Variants in PLD5 observed in about 807,000 individuals in gnomAD.
PLD5 encodes the protein inactive phospholipase D5.
Under a neutral mutation model 61.1 loss-of-function variants are expected in PLD5, and 36 were observed. The ratio of observed to expected loss-of-function variants is 0.59; its 90% confidence interval spans 0.45 to 0.78. The LOEUF (loss-of-function observed/expected upper bound fraction) is 0.78. Ranked by LOEUF, PLD5 falls within the 30% of genes least tolerant of loss-of-function variation. The probability of loss-of-function intolerance (pLI) is 0.00; values close to 1 mark genes in which losing one functional copy is unlikely to be tolerated. For missense variants in PLD5, 515 were observed against 644.4 expected (o/e 0.80, Z 2.17); for synonymous variants, 243 against 242.8 (o/e 1.00, Z -0.01).
intron 1 of PLD5, among the ~76,000 whole-genome samples, chr1:242,487,522 CAA>C (rs1668002527): frequency 6.6e-6 from 1 of 152,024 alleles, no homozygotes; most frequent in Admixed American, 6.6e-5. Flanking sequence ...GCACAATCCA[CAA>C]AAGAAGTAAT....
chr1:242,402,070 C>T (rs1663965520), intron 1 of PLD5, among the ~76,000 whole-genome samples: 1 of 152,242 alleles, frequency 6.6e-6, no homozygotes, highest in Admixed American at 6.5e-5. Context: ...TTAGCACTCT[C>T]CCCTGCTATC....
At chr1:242,201,726 A>G (rs1264614995) in intron 5 of PLD5, among the ~76,000 whole-genome samples, 1 of 152,198 alleles carries the variant, frequency 6.6e-6, no homozygotes, top group Non-Finnish European at 1.5e-5. Flanking sequence ...ATATGTATGC[A>G]ACAAGTTTTG....
intron 3 of PLD5, among the ~76,000 whole-genome samples, chr1:242,286,046 T>G (rs1675003088): frequency 6.6e-6 from 1 of 151,774 alleles, no homozygotes; most frequent in Admixed American, 6.6e-5. Flanking sequence ...GAGGTGGAGG[T>G]TGCAGAGAGC....
At chr1:242,108,401 C>T (rs1488720932) in intron 7 of PLD5, among the ~76,000 whole-genome samples, 1 of 152,186 alleles carries the variant, frequency 6.6e-6, no homozygotes, top group African/African-American at 2.4e-5. Context: ...TTCCAACAGG[C>T]AAAGTTTCCC....
At chr1:242,508,020 G>T in intron 1 of PLD5, among the ~76,000 whole-genome samples, 1 of 150,640 alleles carries the variant, frequency 6.6e-6, no homozygotes, top group African/African-American at 2.5e-5. Flanking sequence ...ATGCCGACCA[G>T]CAATTCTATT....
chr1:242,279,968 G>A (rs1674630942), intron 3 of PLD5, among the ~76,000 whole-genome samples: 1 of 152,202 alleles, frequency 6.6e-6, no homozygotes, highest in Admixed American at 6.5e-5. Flanking sequence ...ATTACATAGA[G>A]AGTCGTGTCC....
At chr1:242,373,337 T>C (rs1661754220) in intron 1 of PLD5, among the ~76,000 whole-genome samples, 1 of 152,128 alleles carries the variant, frequency 6.6e-6, no homozygotes, top group Non-Finnish European at 1.5e-5. Context: ...CAGGAACACT[T>C]TTACACTGTT....
intron 1 of PLD5, among the ~76,000 whole-genome samples, chr1:242,409,457 AG>A (rs1200709615): frequency 7.6e-6 from 1 of 131,328 alleles, no homozygotes; most frequent in East Asian, 2.6e-4. Flanking sequence ...TGGTGCAAGC[AG>A]AAGCTGAAAG....
intron 5 of PLD5, among the ~76,000 whole-genome samples, chr1:242,137,827 C>T (rs560210613): frequency 3.9e-5 from 6 of 151,976 alleles, no homozygotes; most frequent in Admixed American, 2.6e-4. Context: ...GAAAGTAATG[C>T]CACTGAATGT....
chr1:242,318,517 C>G (rs1482896107), intron 2 of PLD5, among the ~76,000 whole-genome samples: 1 of 152,124 alleles, frequency 6.6e-6, no homozygotes, highest in African/African-American at 2.4e-5. Flanking sequence ...CAACTGGTTT[C>G]TTAGTTTGCA....
At chr1:242,475,689 C>T (rs538731528) in intron 1 of PLD5, among the ~76,000 whole-genome samples, 21 of 152,262 alleles carry the variant, frequency 1.4e-4, no homozygotes, top group Non-Finnish European at 2.9e-4. Flanking sequence ...ACATCCCAAC[C>T]CCAGTATCTC....
At chr1:242,198,241 T>G (rs767992465) in intron 5 of PLD5, among the ~76,000 whole-genome samples, 1 of 152,224 alleles carries the variant, frequency 6.6e-6, no homozygotes, top group African/African-American at 2.4e-5. Context: ...GTTTGACTTC[T>G]GAGAATAACA....
At chr1:242,309,993 G>A (rs1233668570) in intron 2 of PLD5, among the ~76,000 whole-genome samples, 2 of 151,260 alleles carry the variant, frequency 1.3e-5, no homozygotes, top group Non-Finnish European at 1.5e-5. Context: ...CTCAACAGTG[G>A]GTTTTCAGTC....
At chr1:242,326,282 T>C (rs1658774849) in intron 2 of PLD5, among the ~76,000 whole-genome samples, 1 of 151,754 alleles carries the variant, frequency 6.6e-6, no homozygotes, top group African/African-American at 2.4e-5. Context: ...CACAAGTATC[T>C]GCTAAGTATA....
chr1:242,523,132 C>T (rs143930558), intron 1 of PLD5, among the ~76,000 whole-genome samples: 63 of 152,166 alleles, frequency 4.1e-4, no homozygotes, highest in African/African-American at 1.3e-3. Flanking sequence ...TCATTGTTGG[C>T]GTCCTGACCC....
chr1:242,521,983 T>C (rs1669295697), intron 1 of PLD5, among the ~76,000 whole-genome samples: 2 of 152,322 alleles, frequency 1.3e-5, no homozygotes, highest in South Asian at 4.1e-4. Flanking sequence ...AAAATTTATA[T>C]TGTATACTAA....
intron 2 of PLD5, among the ~76,000 whole-genome samples, chr1:242,291,401 G>T (rs1222483969): frequency 1.3e-5 from 2 of 152,108 alleles, no homozygotes; most frequent in Admixed American, 6.5e-5. Context: ...TGTATGCCCA[G>T]TGCCTAACGT....
chr1:242,361,883 C>T (rs952717664), intron 1 of PLD5, among the ~76,000 whole-genome samples: 7 of 151,842 alleles, frequency 4.6e-5, no homozygotes, highest in African/African-American at 1.2e-4. Flanking sequence ...GCCTGTAGTC[C>T]TAGCACTTTG....
Position 242,373,891 on chromosome 1 carries a change from A to C in PLD5, c.190-25649T>G, listed in dbSNP as rs1012335755. ...TAAATGACGAGTTAATGTGTGCAGCACACCAACATGGCACATGTATACGTA... is the reference window on the plus strand; with the variant it reads ...TAAATGACGAGTTAATGTGTGCAGCCCACCAACATGGCACATGTATACGTA... On this transcript the variant is annotated intron_variant, in intron 1 of 9. Coordinates refer to ENST00000536534, the MANE Select transcript of PLD5 (RefSeq NM_001372062.1). Among the ~76,000 whole-genome samples, 81 of 152,102 alleles carry C rather than the reference A, an allele frequency of 5.3e-4. 1 individual carries two copies. The highest frequency in any genetic ancestry group is 9.7e-4 in the Non-Finnish European group (66 of 68,028).
Sources: allele counts gnomAD v4.1 joint callset (sites outside exome capture counted in the v4.1 genomes callset), GRCh38; gene constraint gnomAD v4.1.1; transcripts MANE v1.5; gene names NCBI Gene and HGNC (gene_info 2026-07-23, HGNC 2026-07-21).